The following GRK6 variants were observed in gnomAD, a reference collection of about 807,000 sequenced individuals.
The protein encoded by GRK6 is G protein-coupled receptor kinase 6.
GRK6 carries 37 observed loss-of-function variants against 80.8 expected under a neutral mutation model. The ratio of observed to expected loss-of-function variants is 0.46; its 90% CI spans 0.35 to 0.60. The LOEUF (loss-of-function observed/expected upper bound fraction) is 0.60. Among genes scored for constraint, GRK6 ranks in the 20% least tolerant of loss-of-function variants. The pLI, the probability that GRK6 is intolerant of heterozygous loss-of-function variation, is 0.00. For synonymous variants in GRK6, 295 were observed against 320.9 expected (o/e 0.92, Z 0.86); for missense variants, 560 against 784.6 (o/e 0.71, Z 3.42).
chr5:177,426,496 GAT>G (rs1355876679), upstream of GRK6: 1 of 152,180 alleles, frequency 6.6e-6, no homozygotes, highest in East Asian at 1.9e-4. Context: ...GAGGTGACGT[GAT>G]TGGTCCCGCC....
chr5:177,441,554 G>A lies in GRK6; in HGVS notation c.1678-183G>A, dbSNP rs73349106. On this transcript the variant is annotated intron_variant, in intron 15 of 15. Coordinates refer to ENST00000355472, the MANE Select transcript of GRK6 (RefSeq NM_001004106.3). ...TGTTGCCGGCAGCCTCTGCAATGAC[G>A]CCCACCCACGTGTGGCCTGAGCTGC... Among the ~76,000 whole-genome samples the A allele has an allele frequency of 2.5e-3, 379 of 152,204 alleles. 3 individuals are homozygous for A. The highest frequency in any genetic ancestry group is 7.8e-3 in the African/African-American group (322 of 41,542).
At position 177,428,464 on chromosome 5, in the gene GRK6, G is replaced by A. The variant is rs1264400377; in HGVS notation, c.52+1567G>A. Among the ~76,000 whole-genome samples, 1 of 152,118 alleles carries A rather than the reference G, an allele frequency of 6.6e-6. No individual in the cohort carries two copies. Among genetic ancestry groups the A allele is most frequent in the African/African-American group, 2.4e-5 (1 of 41,436 alleles). The stretch of plus-strand genomic sequence containing the variant: ...CTTTTTTTTGAGACAGAGTCTCACT[G>A]TGTCACCCAGGCTGGAGTGCAGGGC... On this transcript the variant is annotated intron_variant, in intron 1 of 15. Coordinates refer to ENST00000355472, the MANE Select transcript of GRK6 (RefSeq NM_001004106.3). The surrounding 1 kb of genome is among the most constrained non-coding windows in gnomAD (Gnocchi z 4.1).
At chr5:177,431,676 C>T (rs1009711869) in intron 2 of GRK6, 10 of 354,388 alleles carry the variant, frequency 2.8e-5, no homozygotes, top group South Asian at 5.5e-5. Context: ...CCTCACGGAC[C>T]GCACCCAACC....
At chr5:177,435,346 A>C (rs1235849086) in intron 11 of GRK6, among the ~76,000 whole-genome samples, 2 of 152,256 alleles carry the variant, frequency 1.3e-5, no homozygotes, top group Non-Finnish European at 2.9e-5. Context: ...AAACCCTGCT[A>C]TGGCTGAGCC....
intron 11 of GRK6, among the ~76,000 whole-genome samples, 195 bp downstream of exon 11, chr5:177,435,316 T>G (rs1047768812): frequency 6.6e-6 from 1 of 152,262 alleles, no homozygotes; most frequent in Non-Finnish European, 1.5e-5. Context: ...GCCATGTCGT[T>G]CATTTGCTGA....
chr5:177,435,068 A>G lies in GRK6; in HGVS notation c.1004A>G (p.His335Arg), dbSNP rs1764080563. 3 of 1,612,368 alleles carry G rather than the reference A, an allele frequency of 1.9e-6. No homozygotes were observed. The highest frequency in any genetic ancestry group is 1.3e-5 in the African/African-American group (1 of 74,888). ...ATCTCTGACCTGGGACTAGCTGTGC[A>G]TGTGCCCGAGGGCCAGACCATCAAA... ...IRISDLGLAV[H>R]VPEGQTIKGR... The change falls in exon 11 of 16, where the codon CAT becomes CGT. Residue 335 changes from histidine to arginine, a missense_variant. By Grantham distance (29) the His-to-Arg change is conservative (BLOSUM62 0). Transcript: ENST00000355472.
chr5:177,441,424 C>T (rs1192943309), intron 15 of GRK6: 17 of 776,880 alleles, frequency 2.2e-5, no homozygotes, highest in Middle Eastern at 6.1e-4. Context: ...AGCTTTGCTT[C>T]GCTTGTCTCC....
Position 177,434,087 on chromosome 5 carries a change from G to T in GRK6, c.912G>T (p.Arg304=). 6.3e-7 allele frequency: 1 copy of T among 1,590,784 alleles called. No homozygotes were observed. The stretch of plus-strand genomic sequence containing the variant: ...GCTGTGGCCTGGAGGACCTGCACCG[G>T]GAGCGCATCGTGTACAGGTGGGGAG... ...EICCGLEDLH[R]ERIVYRDLKP... Residue 304 remains arginine, a synonymous_variant, in exon 9 of 16, where the codon CGG becomes CGT. Transcript: ENST00000355472.
At chr5:177,430,822 C>A in intron 1 of GRK6, 50 bp from the exon 2 acceptor site, 1 of 1,536,146 alleles carries the variant, frequency 6.5e-7, no homozygotes, top group Non-Finnish European at 9.0e-7. Context: ...GACCCAGAGG[C>A]AGTTCTGAGG....
intron 2 of GRK6, among the ~76,000 whole-genome samples, chr5:177,431,463 C>A (rs988781963): frequency 3.3e-5 from 5 of 152,246 alleles, no homozygotes; most frequent in Admixed American, 6.5e-5. Context: ...TCCTGCCAAT[C>A]TTGGCCAAGG....
chr5:177,426,797 C>T lies in GRK6; in HGVS notation c.-49C>T. The T allele has an allele frequency of 3.7e-6, 4 of 1,079,568 alleles. No individual in the cohort carries two copies. Among genetic ancestry groups the T allele is most frequent in the Non-Finnish European group, 4.5e-6 (4 of 888,662 alleles). The allele number at this position is 1,079,568 out of a possible 1,614,324, so 66.9% of individuals were successfully genotyped here. On this transcript the variant is annotated 5_prime_UTR_variant, in exon 1 of 16. Coordinates refer to ENST00000355472, the MANE Select transcript of GRK6 (RefSeq NM_001004106.3). ...GCCATCCGGCCTCGGCACTCGCGCG[C>T]GATCCCGGCCGGCGGCGCGGCCCGG...
In GRK6 at chr5:177,434,857, C is replaced by T. The variant is rs1031443323; in HGVS notation, c.930-45C>T. On this transcript the variant is annotated intron_variant, in intron 9 of 15. Transcript: ENST00000355472. Reference sequence around the variant, plus strand: ...GGGGGGGCTGGCCCCTTCTGACTCCCTGGCAAACTGAGCAGCATCTGACCC... The same window carrying T: ...GGGGGGGCTGGCCCCTTCTGACTCCTTGGCAAACTGAGCAGCATCTGACCC... The T allele has an allele frequency of 4.3e-6, 7 of 1,611,254 alleles. No individual in the cohort carries two copies. In the Admixed American group the frequency reaches 1.0e-4, roughly 23 times the overall value.
chr5:177,431,582 C>T (rs1157222914), intron 2 of GRK6: 2 of 252,568 alleles, frequency 7.9e-6, no homozygotes, highest in South Asian at 3.9e-5. Context: ...CAGCTGAGAG[C>T]CTGCCGGAAG....
chr5:177,433,776 G>C (rs542691598), intron 8 of GRK6, 100 bp downstream of exon 8: 1 of 1,546,408 alleles, frequency 6.5e-7, no homozygotes, highest in Admixed American at 1.8e-5. Context: ...TGCCAGGAAG[G>C]GCGGGTTTGG....
intron 13 of GRK6, 69 bp downstream of exon 13, chr5:177,436,599 T>A: frequency 7.1e-7 from 1 of 1,398,750 alleles, no homozygotes; most frequent in Non-Finnish European, 9.7e-7. Flanking sequence ...TCTTGTAGTA[T>A]CAGCCAGGAT....
In GRK6 at chr5:177,434,966, AGGGTG is replaced by A. The variant is rs775666127; in HGVS notation, c.967+33_967+37del. On this transcript the variant is annotated intron_variant, in intron 10 of 15. Transcript: ENST00000355472. ...TGTGTAAGGGTGCCTGGGGTGGGTC[AGGGTG>A]GGGTGAGATGCAGAGGCCTGGCCTG... The A allele has an allele frequency of 2.5e-5, 19 of 760,890 alleles. No homozygotes were observed. The African/African-American group carries it at 2.8e-4, about 11-fold the overall frequency. The allele number at this position is 760,890 out of a possible 1,614,324, so 47.1% of individuals were successfully genotyped here.
intron 1 of GRK6, chr5:177,430,605 A>G (rs1763846989): frequency 2.0e-6 from 1 of 493,006 alleles, no homozygotes; most frequent in Admixed American, 3.5e-5. Flanking sequence ...GGCTGGACCC[A>G]TTGTTGGAGC....
chr5:177,434,822 C>A, intron 9 of GRK6, 80 bp from the exon 10 acceptor site: 1 of 1,524,572 alleles, frequency 6.6e-7, no homozygotes, highest in Non-Finnish European at 9.1e-7. Flanking sequence ...CCCCCGGAGG[C>A]GAGTGAGCTG....
rs375413182 is a variant in GRK6, at chr5:177,440,834, C to T, written c.1539C>T (p.Asn513=). 2.1e-5 allele frequency: 34 copies of T among 1,613,882 alleles called. No homozygotes were observed. The highest frequency in any genetic ancestry group is 1.6e-4 in the African/African-American group (12 of 74,928). The change falls in exon 14 of 16, where the codon AAC becomes AAT. Residue 513 remains asparagine, a synonymous_variant. Coordinates refer to ENST00000355472, the MANE Select transcript of GRK6 (RefSeq NM_001004106.3). ...GCAGTGTGCCCATCCCCTGGCAGAA[C>T]GAGGTGGGGGCCTGCCCTGCTGGTG... ...ATGSVPIPWQ[N]EMVETECFQE...
Sources: gnomAD v4.1 joint callset for allele counts (sites outside exome capture counted in the v4.1 genomes callset) on GRCh38, gnomAD v4.1.1 for gene constraint, Gnocchi (gnomAD v3.1) non-coding constraint, MANE v1.5 for transcripts, NCBI Gene and HGNC (gene_info 2026-07-23, HGNC 2026-07-21) for gene names.